Variants in CPA6 observed in about 807,000 individuals in gnomAD.
CPA6 encodes the protein carboxypeptidase A6.
In CPA6, 58 loss-of-function variants were observed where a neutral mutation model predicts 63.3. The ratio of observed to expected loss-of-function variants is 0.92; its 90% CI spans 0.74 to 1.14. CPA6 has a LOEUF of 1.14. Among genes scored for constraint, CPA6 ranks in the 50% most tolerant of loss-of-function variants. The probability of loss-of-function intolerance (pLI) is 0.00; values close to 1 mark genes in which losing one functional copy is unlikely to be tolerated. For missense variants in CPA6, 565 were observed against 526.6 expected (o/e 1.07, Z -0.71); for synonymous variants, 185 against 179.0 (o/e 1.03, Z -0.27).
chr8:67,708,134 T>C (rs1186021214), intron 1 of CPA6, among the ~76,000 whole-genome samples: 1 of 152,154 alleles, frequency 6.6e-6, no homozygotes, highest in African/African-American at 2.4e-5. Context: ...CACAAACCCA[T>C]GGCTAAGCTT....
intron 2 of CPA6, 80 bp from the exon 3 acceptor site, chr8:67,518,127 T>G: frequency 7.5e-7 from 1 of 1,339,410 alleles, no homozygotes; most frequent in Non-Finnish European, 1.0e-6. Context: ...ACACATTCTT[T>G]TGTTTGCATA....
In CPA6 at chr8:67,484,803, G is replaced by A; in HGVS notation, c.637-14C>T. ...TGTTAGAAGAGCCTAAAAGACAAAG[G>A]TGAGATTTTTCTTTTAAATTGGTCC... On this transcript the variant is annotated splice_polypyrimidine_tract_variant and intron_variant, in intron 6 of 10. Coordinates refer to ENST00000297770, the MANE Select transcript of CPA6 (RefSeq NM_020361.5). 1.4e-6 allele frequency: 2 copies of A among 1,463,398 alleles called. No homozygotes were observed. The highest frequency in any genetic ancestry group is 1.8e-4 in the Middle Eastern group (1 of 5,586). 90.7% of individuals were successfully genotyped at this position (1,463,398 alleles called of 1,614,324 possible).
intron 1 of CPA6, among the ~76,000 whole-genome samples, chr8:67,729,866 A>G (rs1387039118): frequency 6.6e-6 from 1 of 152,290 alleles, no homozygotes; most frequent in Non-Finnish European, 1.5e-5. Flanking sequence ...GCAGGTAAAG[A>G]AAGTTACAGG....
At chr8:67,502,924 G>A (rs114058525) in intron 6 of CPA6, among the ~76,000 whole-genome samples, 4,540 of 152,264 alleles carry the variant, frequency 0.03, 225 homozygotes, top group African/African-American at 0.1. Flanking sequence ...ATGTTCTATA[G>A]GCACTTGAAA....
At chr8:67,631,749 T>C (rs533381944) in intron 1 of CPA6, among the ~76,000 whole-genome samples, 34 of 152,208 alleles carry the variant, frequency 2.2e-4, no homozygotes, top group Admixed American at 2.6e-4. Flanking sequence ...ACTGCCTTTA[T>C]GAGCTGTAAC....
intron 8 of CPA6, among the ~76,000 whole-genome samples, chr8:67,482,031 T>C (rs567240648): frequency 6.6e-6 from 1 of 152,238 alleles, no homozygotes; most frequent in East Asian, 1.9e-4. Context: ...GATTCAAAAC[T>C]GGGAAGAGTC....
At chr8:67,738,834 T>C (rs1817862073) in intron 1 of CPA6, among the ~76,000 whole-genome samples, 1 of 152,180 alleles carries the variant, frequency 6.6e-6, no homozygotes, top group African/African-American at 2.4e-5. Flanking sequence ...GCAAAGCAAA[T>C]TCTAATCCAA....
intron 8 of CPA6, among the ~76,000 whole-genome samples, chr8:67,447,999 G>A (rs897563013): frequency 6.6e-6 from 1 of 152,124 alleles, no homozygotes; most frequent in Non-Finnish European, 1.5e-5. Flanking sequence ...TGGCCAGGCT[G>A]GTCTCGAACT....
chr8:67,719,472 GGCCA>G (rs1817450054), intron 1 of CPA6, among the ~76,000 whole-genome samples: 1 of 152,150 alleles, frequency 6.6e-6, no homozygotes, highest in Non-Finnish European at 1.5e-5. Context: ...GGCTGCAGTG[GGCCA>G]AGTTATGGAG....
chr8:67,475,141 T>C (rs1811145153), intron 8 of CPA6, among the ~76,000 whole-genome samples: 1 of 152,232 alleles, frequency 6.6e-6, no homozygotes, highest in Admixed American at 6.5e-5. Context: ...CAAGTTACAC[T>C]TTTATTTGGA....
At chr8:67,664,555 A>G (rs551931253) in intron 1 of CPA6, among the ~76,000 whole-genome samples, 2 of 152,246 alleles carry the variant, frequency 1.3e-5, no homozygotes, top group African/African-American at 4.8e-5. Flanking sequence ...CCCACTTTGT[A>G]TATCCAAGCT....
chr8:67,644,878 G>A (rs1815681875), intron 1 of CPA6, among the ~76,000 whole-genome samples: 1 of 152,172 alleles, frequency 6.6e-6, no homozygotes, highest in African/African-American at 2.4e-5. Context: ...TCTTTTCAAG[G>A]CAGTGAATTT....
chr8:67,585,262 T>A (rs1177308076), intron 2 of CPA6, among the ~76,000 whole-genome samples: 1 of 152,196 alleles, frequency 6.6e-6, no homozygotes, highest in African/African-American at 2.4e-5. Flanking sequence ...GGGATGAGGC[T>A]AATGATGAAG....
chr8:67,716,718 A>T (rs541334754), intron 1 of CPA6, among the ~76,000 whole-genome samples: 1 of 152,302 alleles, frequency 6.6e-6, no homozygotes, highest in South Asian at 2.1e-4. Context: ...TTATTTAGGA[A>T]TAAAATGGGA....
At chr8:67,735,171 T>C (rs1200492449) in intron 1 of CPA6, 1 of 152,220 alleles carries the variant, frequency 6.6e-6, no homozygotes, top group African/African-American at 2.4e-5. Context: ...TGTTCATTTT[T>C]TTTAATCTCT....
Position 67,598,361 on chromosome 8 carries a change from A to G in CPA6, c.192+25815T>C, listed in dbSNP as rs537710651. On this transcript the variant is annotated intron_variant, in intron 2 of 10. Coordinates refer to ENST00000297770, the MANE Select transcript of CPA6 (RefSeq NM_020361.5). ...TGCAGATTTAGTTGTCTTGAATGGG[A>G]GTTTTGGTTCAAATCACCTAGTCTG... is the stretch of plus-strand genomic sequence containing the variant. Among the ~76,000 whole-genome samples, 7 of 152,150 alleles carry G rather than the reference A, an allele frequency of 4.6e-5. No individual in the cohort carries two copies. In the South Asian group the frequency reaches 1.4e-3, roughly 32 times the overall value.
chr8:67,662,598 A>G (rs1208991597), intron 1 of CPA6, among the ~76,000 whole-genome samples: 2 of 47,614 alleles, frequency 4.2e-5, no homozygotes, highest in African/African-American at 2.6e-4. Flanking sequence ...TATATATAGA[A>G]TACATACACA....
At chr8:67,711,522 C>T (rs1817259292) in intron 1 of CPA6, among the ~76,000 whole-genome samples, 1 of 152,126 alleles carries the variant, frequency 6.6e-6, no homozygotes, top group African/African-American at 2.4e-5. Flanking sequence ...ACTAGCCCTC[C>T]TCTTGTCTAT....
rs116505003 is a variant in CPA6, at chr8:67,712,436, A to G, written c.116+33578T>C. 7.0e-3 allele frequency among the ~76,000 whole-genome samples: 1,064 copies of G among 152,258 alleles called. 15 individuals are homozygous for G. The highest frequency in any genetic ancestry group is 0.02 in the Middle Eastern group (6 of 294). ...TGCTACAAGGTACAGAGGCACATGG[A>G]ACCTCTTTCAAGTGCCTGTGGATCT... is the stretch of plus-strand genomic sequence containing the variant. On this transcript the variant is annotated intron_variant, in intron 1 of 10. Transcript: ENST00000297770.
Sources: allele counts gnomAD v4.1 joint callset (sites outside exome capture counted in the v4.1 genomes callset), GRCh38; gene constraint gnomAD v4.1.1; transcripts MANE v1.5; gene names NCBI Gene and HGNC (gene_info 2026-07-23, HGNC 2026-07-21).